PTPN4: variants seen among roughly 807,000 people sequenced by gnomAD.
The protein encoded by PTPN4 is tyrosine-protein phosphatase non-receptor type 4.
PTPN4 carries 49 observed loss-of-function variants against 135.5 expected under a neutral mutation model. The observed-to-expected ratio is 0.36, with a 90% CI of 0.29 to 0.46. The LOEUF (loss-of-function observed/expected upper bound fraction) is 0.46, where lower values mean the gene tolerates loss of function less well. Among genes scored for constraint, PTPN4 ranks in the 20% least tolerant of loss-of-function variants. The probability of loss-of-function intolerance (pLI) is 1.00; values close to 1 mark genes in which losing one functional copy is unlikely to be tolerated. For missense variants in PTPN4, 860 were observed against 1,101.0 expected (o/e 0.78, Z 3.10); for synonymous variants, 333 against 369.9 (o/e 0.90, Z 1.14).
At chr2:119,969,887 GTATT>G (rs1341355981) in intron 26 of PTPN4, among the ~76,000 whole-genome samples, 1 of 151,856 alleles carries the variant, frequency 6.6e-6, no homozygotes, top group Non-Finnish European at 1.5e-5. Flanking sequence ...CAAATTGGCA[GTATT>G]TAAATTTCTA....
chr2:119,876,940 T>TGTGTGC (rs1182103102), intron 3 of PTPN4, among the ~76,000 whole-genome samples: 11 of 148,594 alleles, frequency 7.4e-5, no homozygotes, highest in African/African-American at 1.3e-4. Flanking sequence ...TGTGTGTGTG[T>TGTGTGC]GCGTGAAGGG....
At chr2:119,906,434 G>C (rs1217182075) in intron 10 of PTPN4, among the ~76,000 whole-genome samples, 4 of 151,668 alleles carry the variant, frequency 2.6e-5, no homozygotes, top group Non-Finnish European at 5.9e-5. Flanking sequence ...AATAATACGT[G>C]AAAAAGAAAC....
At chr2:119,868,665 G>A (rs1430148249) in intron 3 of PTPN4, among the ~76,000 whole-genome samples, 1 of 152,240 alleles carries the variant, frequency 6.6e-6, no homozygotes, top group Non-Finnish European at 1.5e-5. Flanking sequence ...TAGCATGAGT[G>A]ATCTGTGCCT....
chr2:119,831,138 CCT>C (rs1038439632), intron 2 of PTPN4, among the ~76,000 whole-genome samples: 1 of 152,130 alleles, frequency 6.6e-6, no homozygotes, highest in Non-Finnish European at 1.5e-5. Flanking sequence ...GAGTTTGCAA[CCT>C]AGATCCCTTT....
At chr2:119,767,505 A>C (rs1207332612) in intron 1 of PTPN4, among the ~76,000 whole-genome samples, 3 of 152,200 alleles carry the variant, frequency 2.0e-5, no homozygotes, top group East Asian at 1.9e-4. Flanking sequence ...ATGCCATTCA[A>C]ATTTTTCCAA....
chr2:119,971,884 A>T (rs1679539286), intron 26 of PTPN4, among the ~76,000 whole-genome samples: 1 of 152,256 alleles, frequency 6.6e-6, no homozygotes, highest in Non-Finnish European at 1.5e-5. Flanking sequence ...TCCCAGCACC[A>T]TTTGTTAAAA....
rs1202912323 is a variant in PTPN4, at chr2:119,885,810, A to C, written c.603A>C (p.Ala201=). ...GTCTTTATAGAGGCTTATCTCCTGC[A>C]GAAGCAGAATTTAATTACCTAAACA... ...LHQQHIGLSP[A]EAEFNYLNTA... Residue 201 remains alanine (A), a synonymous_variant, in exon 9 of 27, where the codon GCA becomes GCC. Coordinates refer to ENST00000263708, the MANE Select transcript of PTPN4 (RefSeq NM_002830.4). The C allele has an allele frequency of 3.1e-6, 5 of 1,598,674 alleles. No individual in the cohort carries two copies. Among genetic ancestry groups the C allele is most frequent in the Non-Finnish European group, 4.3e-6 (5 of 1,172,898 alleles).
At chr2:119,893,047 T>C (rs1377540099) in intron 9 of PTPN4, among the ~76,000 whole-genome samples, 3 of 152,148 alleles carry the variant, frequency 2.0e-5, no homozygotes, top group African/African-American at 4.8e-5. Flanking sequence ...TTAAGGACTT[T>C]GGCTTTTAAT....
At chr2:119,772,549 A>AT (rs1279858995) in intron 1 of PTPN4, among the ~76,000 whole-genome samples, 1 of 151,892 alleles carries the variant, frequency 6.6e-6, no homozygotes, top group East Asian at 1.9e-4. Flanking sequence ...TTTTATTTTT[A>AT]TTTTTTGAGG....
chr2:119,874,931 T>A (rs1677963822), intron 3 of PTPN4, among the ~76,000 whole-genome samples: 1 of 152,214 alleles, frequency 6.6e-6, no homozygotes, highest in Non-Finnish European at 1.5e-5. Context: ...GTGTGTGTCA[T>A]CAAACGTTTT....
chr2:119,889,374 G>T (rs1180340293), intron 9 of PTPN4, among the ~76,000 whole-genome samples: 1 of 152,050 alleles, frequency 6.6e-6, no homozygotes, highest in Non-Finnish European at 1.5e-5. Flanking sequence ...GAGCCGAGAT[G>T]GCGCCACTGC....
intron 3 of PTPN4, among the ~76,000 whole-genome samples, chr2:119,867,583 T>C (rs2104991306): frequency 6.6e-6 from 1 of 152,292 alleles, no homozygotes. Flanking sequence ...GTTTGTGTAT[T>C]GATTTTGTAT....
In PTPN4 at chr2:119,854,532, G is replaced by A. The variant is rs139735122; in HGVS notation, c.139-8004G>A. On this transcript the variant is annotated intron_variant, in intron 2 of 26. Coordinates refer to ENST00000263708, the MANE Select transcript of PTPN4 (RefSeq NM_002830.4). ...TGGCCACTTCCTGCTGAAAAGGGGC[G>A]TCAAGTGGGGAAGAGCAGCTAGGGT... is the stretch of plus-strand genomic sequence containing the variant. Among the ~76,000 whole-genome samples, 122 of 152,246 alleles carry A rather than the reference G, an allele frequency of 8.0e-4. No individual in the cohort carries two copies. In the Middle Eastern group the frequency reaches 0.017, roughly 21 times the overall value.
chr2:119,896,326 T>TA (rs1678323065), intron 9 of PTPN4, among the ~76,000 whole-genome samples: 1 of 152,244 alleles, frequency 6.6e-6, no homozygotes, highest in Non-Finnish European at 1.5e-5. Context: ...CTTTTTAATC[T>TA]ACAGGTTGTT....
At chr2:119,873,119 G>GA (rs1677936810) in intron 3 of PTPN4, among the ~76,000 whole-genome samples, 1 of 151,688 alleles carries the variant, frequency 6.6e-6, no homozygotes, top group South Asian at 2.1e-4. Context: ...AGCCTCCCGA[G>GA]TAACCAGGAC....
At chr2:119,897,775 A>G (rs1370863275) in intron 9 of PTPN4, among the ~76,000 whole-genome samples, 1 of 152,204 alleles carries the variant, frequency 6.6e-6, no homozygotes, top group Non-Finnish European at 1.5e-5. Flanking sequence ...CTCATCACAA[A>G]TCTTTATAAT....
chr2:119,795,616 G>A (rs1292873862), intron 1 of PTPN4, among the ~76,000 whole-genome samples: 3 of 152,248 alleles, frequency 2.0e-5, no homozygotes, highest in Non-Finnish European at 4.4e-5. Flanking sequence ...CAGGCAGTGG[G>A]AGCAGACACC....
chr2:119,900,336 A>G (rs1007626904), intron 9 of PTPN4, among the ~76,000 whole-genome samples: 5 of 151,972 alleles, frequency 3.3e-5, no homozygotes, highest in African/African-American at 1.2e-4. Context: ...CATGTTTGTG[A>G]TGTTAGCATC....
intron 1 of PTPN4, among the ~76,000 whole-genome samples, chr2:119,770,104 C>A (rs1690707500): frequency 6.6e-6 from 1 of 152,166 alleles, no homozygotes; most frequent in Non-Finnish European, 1.5e-5. Context: ...TTAATGTATT[C>A]TTTGAGCACC....
Sources: gnomAD v4.1 joint callset for allele counts (sites outside exome capture counted in the v4.1 genomes callset) on GRCh38, gnomAD v4.1.1 for gene constraint, MANE v1.5 for transcripts, NCBI Gene and HGNC (gene_info 2026-07-23, HGNC 2026-07-21) for gene names.